NPEPPS: variants seen among roughly 807,000 people sequenced by gnomAD.
NPEPPS encodes the protein puromycin-sensitive aminopeptidase.
NPEPPS carries 14 observed loss-of-function variants against 115.5 expected under a neutral mutation model. The ratio of observed to expected loss-of-function variants is 0.12; its 90% CI spans 0.08 to 0.19. The LOEUF (loss-of-function observed/expected upper bound fraction) is 0.19. Among genes scored for constraint, NPEPPS ranks in the 10% least tolerant of loss-of-function variants. The probability of loss-of-function intolerance (pLI) is 1.00; values close to 1 mark genes in which losing one functional copy is unlikely to be tolerated. For synonymous variants in NPEPPS, 285 were observed against 390.6 expected (o/e 0.73, Z 3.19); for missense variants, 523 against 1,110.8 (o/e 0.47, Z 7.52).
chr17:47,562,013 C>T (rs558194752), intron 2 of NPEPPS, among the ~76,000 whole-genome samples: 11 of 152,336 alleles, frequency 7.2e-5, no homozygotes, highest in Admixed American at 2.0e-4. Context: ...TAGCTGAACA[C>T]GTGGAGGGTC....
rs1912549663 is a variant in NPEPPS at position 47,592,191 on chromosome 17, A to G, written c.1365+131A>G. On this transcript the variant is annotated intron_variant, in intron 11 of 22. Transcript: ENST00000322157. ...GCTTGTCATTTTTTTTTAATGACCAAAAAGAATGAGAATTCAATTATTTGA... is the reference window on the plus strand; with the variant it reads ...GCTTGTCATTTTTTTTTAATGACCAGAAAGAATGAGAATTCAATTATTTGA... 7.3e-6 allele frequency: 5 copies of G among 681,816 alleles called. No homozygotes were observed. The Admixed American group carries it at 1.4e-4, about 19-fold the overall frequency. 42.2% of individuals were successfully genotyped at this position (681,816 alleles called of 1,614,324 possible).
At chr17:47,583,903 C>G in intron 5 of NPEPPS, among the ~76,000 whole-genome samples, 1 of 144,784 alleles carries the variant, frequency 6.9e-6, no homozygotes, top group South Asian at 2.2e-4. Flanking sequence ...GCCTGGGTGA[C>G]AGAACAAGAC....
intron 19 of NPEPPS, among the ~76,000 whole-genome samples, 168 bp from the exon 20 acceptor site, chr17:47,618,182 A>T (rs1472873215): frequency 2.0e-5 from 3 of 151,992 alleles, no homozygotes; most frequent in Non-Finnish European, 4.4e-5. Flanking sequence ...CACCTGGCCC[A>T]AAGCATCTTG....
At chr17:47,529,261 C>T (rs1221284700), upstream of NPEPPS, among the ~76,000 whole-genome samples, 7 of 151,864 alleles carry the variant, frequency 4.6e-5, no homozygotes, top group Non-Finnish European at 7.4e-5. Flanking sequence ...TTTTTAGAGA[C>T]AGGGCCTCAC....
At chr17:47,588,509 A>G (rs1169941405) in intron 9 of NPEPPS, among the ~76,000 whole-genome samples, 1 of 151,982 alleles carries the variant, frequency 6.6e-6, no homozygotes, top group South Asian at 2.1e-4. Flanking sequence ...GGTTGCAGTG[A>G]GCCGAGATCA....
rs763319990 is a variant in NPEPPS at position 47,590,699 on chromosome 17, T to C, written c.1096-18T>C. Reference sequence around the variant, plus strand: ...AATCATTTCATTTTCTTTAAGTATTTTCATCTTTTGTTTTTAGGAATGGTG... The same window carrying C: ...AATCATTTCATTTTCTTTAAGTATTCTCATCTTTTGTTTTTAGGAATGGTG... On this transcript the variant is annotated intron_variant, in intron 9 of 22. Transcript: ENST00000322157. 6.2e-7 allele frequency: 1 copy of C among 1,608,792 alleles called. No individual in the cohort carries two copies. Among genetic ancestry groups the C allele is most frequent in the Non-Finnish European group, 8.5e-7 (1 of 1,176,306 alleles).
At chr17:47,583,923 T>TA (rs58468752) in intron 5 of NPEPPS, among the ~76,000 whole-genome samples, 64,276 of 139,866 alleles carry the variant, frequency 0.46, 14,959 homozygotes, top group East Asian at 0.61. Context: ...CCCCATCTCT[T>TA]AAAAAAAAAA....
intron 1 of NPEPPS, among the ~76,000 whole-genome samples, chr17:47,538,008 T>C (rs1444619344): frequency 9.4e-5 from 14 of 149,532 alleles, no homozygotes; most frequent in Admixed American, 6.7e-4. Flanking sequence ...GTTCTCCTGC[T>C]TCAGCCTCCC....
At chr17:47,526,085 G>A (rs556964448) in intron 1 of NPEPPS, among the ~76,000 whole-genome samples, 92 of 152,246 alleles carry the variant, frequency 6.0e-4, no homozygotes, top group African/African-American at 2.0e-3. Flanking sequence ...GGTGGCGCAT[G>A]CCTGTAATTC....
intron 7 of NPEPPS, 50 bp downstream of exon 7, chr17:47,586,294 T>C (rs1427612169): frequency 8.9e-7 from 1 of 1,128,808 alleles, no homozygotes; most frequent in Non-Finnish European, 1.2e-6. Context: ...TTTTAAAATT[T>C]TGTGACTTTT....
At chr17:47,579,946 T>A (rs1271583037) in intron 4 of NPEPPS, 1 of 165,792 alleles carries the variant, frequency 6.0e-6, no homozygotes, top group Non-Finnish European at 1.3e-5. Flanking sequence ...TGTGTGTGTG[T>A]GTGTGTGTGT....
intron 17 of NPEPPS, among the ~76,000 whole-genome samples, chr17:47,609,960 A>G (rs963998738): frequency 3.3e-5 from 5 of 152,088 alleles, no homozygotes; most frequent in Non-Finnish European, 5.9e-5. Flanking sequence ...TACTGCTGCA[A>G]TTCATCAGAT....
chr17:47,572,950 A>AT (rs1281411197), intron 3 of NPEPPS, among the ~76,000 whole-genome samples: 1 of 152,018 alleles, frequency 6.6e-6, no homozygotes, highest in African/African-American at 2.4e-5. Flanking sequence ...TGATTTTTGT[A>AT]TTTTTAGTAG....
intron 1 of NPEPPS, among the ~76,000 whole-genome samples, chr17:47,534,859 A>G (rs547458803): frequency 6.6e-6 from 1 of 151,840 alleles, no homozygotes; most frequent in South Asian, 2.1e-4. Flanking sequence ...ATGAGCCACC[A>G]TGCCCGGCCA....
upstream of NPEPPS, among the ~76,000 whole-genome samples, chr17:47,526,730 G>A (rs532106541): frequency 1.3e-5 from 2 of 151,992 alleles, no homozygotes; most frequent in Non-Finnish European, 2.9e-5. Context: ...AGGCCGAGGC[G>A]GGCGGATCAC....
In NPEPPS at chr17:47,623,130, A is replaced by G. The variant is rs914541780; in HGVS notation, c.*1210A>G. ...CTTAAAAAAATATTTTGTGTTATTA[A>G]CAGAAATTCATATTTGGTGTGGCTT... On this transcript the variant is annotated 3_prime_UTR_variant, in exon 23 of 23. Transcript: ENST00000322157. The G allele has an allele frequency of 3.6e-5, 9 of 250,774 alleles. No homozygotes were observed. Among genetic ancestry groups the G allele is most frequent in the African/African-American group, 2.1e-4 (9 of 42,834 alleles). 15.5% of individuals were successfully genotyped at this position (250,774 alleles called of 1,614,324 possible).
intron 13 of NPEPPS, among the ~76,000 whole-genome samples, chr17:47,597,047 C>CAA (rs201747090): frequency 0.016 from 2,078 of 130,626 alleles, 27 homozygotes; most frequent in Admixed American, 0.027. Flanking sequence ...GACTTCGTCT[C>CAA]AAAAAAAAAA....
intron 17 of NPEPPS, among the ~76,000 whole-genome samples, chr17:47,609,815 C>T (rs1913731603): frequency 1.3e-5 from 2 of 152,144 alleles, no homozygotes; most frequent in African/African-American, 4.8e-5. Flanking sequence ...TAGAATCATA[C>T]AATGTGTGTT....
chr17:47,538,260 T>C (rs1351350755), intron 1 of NPEPPS, among the ~76,000 whole-genome samples: 1 of 129,056 alleles, frequency 7.7e-6, no homozygotes, highest in Non-Finnish European at 1.6e-5. Flanking sequence ...TAGGCCAGGC[T>C]GGAGTGTGCA....
Sources: gnomAD v4.1 joint callset for allele counts (sites outside exome capture counted in the v4.1 genomes callset) on GRCh38, gnomAD v4.1.1 for gene constraint, MANE v1.5 for transcripts, NCBI Gene and HGNC (gene_info 2026-07-23, HGNC 2026-07-21) for gene names.